ASTN2: variants seen among roughly 807,000 people sequenced by gnomAD.
ASTN2 encodes astrotactin 2.
A neutral mutation model predicts 139.8 loss-of-function variants in ASTN2; 54 were observed. The ratio of observed to expected loss-of-function variants is 0.39; its 90% CI spans 0.31 to 0.48. The LOEUF is 0.48. Ranked by LOEUF, ASTN2 falls within the 20% of genes least tolerant of loss-of-function variation. The pLI is 0.95. For missense variants in ASTN2, 1,565 were observed against 1,725.1 expected, an observed-to-expected ratio of 0.91 and a Z score of 1.64; for synonymous variants, 756 against 719.5, an observed-to-expected ratio of 1.05 and a Z score of -0.81.
intron 10 of ASTN2, among the ~76,000 whole-genome samples, chr9:116,898,777 C>T (rs542866413): frequency 6.6e-6 from 1 of 152,316 alleles, no homozygotes; most frequent in East Asian, 1.9e-4. Context: ...TCAAGCAATC[C>T]TCCCATTTAA....
intron 16 of ASTN2, among the ~76,000 whole-genome samples, chr9:116,724,359 C>G (rs1475561178): frequency 6.6e-6 from 1 of 152,130 alleles, no homozygotes; most frequent in South Asian, 2.1e-4. Context: ...TGCCCATAAA[C>G]CACCCCGTGC....
chr9:116,521,119 A>G (rs1251090327), intron 19 of ASTN2, among the ~76,000 whole-genome samples: 4 of 149,988 alleles, frequency 2.7e-5, no homozygotes, highest in African/African-American at 5.0e-5. Context: ...CTATCAAAAT[A>G]CCAACACCAT....
rs994976935 is a variant in ASTN2, at chr9:116,699,647, T to C, written c.2806+26124A>G. ...AGGGGCAGCTGCTGGTCTTGGACTG[T>C]TGGGATCATTGCATCAAGATCTACA... On this transcript the variant is annotated intron_variant, in intron 16 of 22. Coordinates refer to ENST00000313400, the MANE Select transcript of ASTN2 (RefSeq NM_001365068.1). The surrounding 1 kb of genome is among the most constrained non-coding windows in gnomAD (Gnocchi z 4.2). The C allele has an allele frequency of 6.2e-7, 1 of 1,614,062 alleles. No individual in the cohort carries two copies. Among genetic ancestry groups the C allele is most frequent in the Non-Finnish European group, 8.5e-7 (1 of 1,180,026 alleles).
chr9:117,098,831 G>T (rs907389241), intron 4 of ASTN2, among the ~76,000 whole-genome samples: 1 of 152,016 alleles, frequency 6.6e-6, no homozygotes, highest in African/African-American at 2.4e-5. Context: ...AGAAGGGCTG[G>T]GCATGATGGC....
At chr9:116,935,973 A>G (rs1835055334) in intron 10 of ASTN2, among the ~76,000 whole-genome samples, 1 of 148,068 alleles carries the variant, frequency 6.8e-6, no homozygotes, top group African/African-American at 2.5e-5. Flanking sequence ...CCTGGGTCAC[A>G]TGGTTAGTGA....
chr9:117,049,464 G>T (rs974505530), intron 5 of ASTN2, among the ~76,000 whole-genome samples: 1 of 152,208 alleles, frequency 6.6e-6, no homozygotes, highest in South Asian at 2.1e-4. Flanking sequence ...CGGAAAAAAC[G>T]ATCTAGTTTA....
intron 19 of ASTN2, among the ~76,000 whole-genome samples, chr9:116,525,643 G>C (rs4837589): frequency 0.17 from 25,566 of 152,188 alleles, 2,413 homozygotes; most frequent in African/African-American, 0.24. Context: ...AGGCACAGGA[G>C]AATTATTAAG....
intron 10 of ASTN2, among the ~76,000 whole-genome samples, chr9:116,964,668 C>A (rs1835967243): frequency 6.6e-6 from 1 of 152,148 alleles, no homozygotes; most frequent in South Asian, 2.1e-4. Context: ...GGACACAATT[C>A]AAGGGCCCTA....
intron 17 of ASTN2, among the ~76,000 whole-genome samples, chr9:116,629,293 A>C (rs1325939705): frequency 1.3e-5 from 2 of 151,706 alleles, no homozygotes; most frequent in Non-Finnish European, 2.9e-5. Context: ...AATTTTTTGC[A>C]TTTTTGGTAG....
intron 19 of ASTN2, chr9:116,546,281 T>C (rs1852087090): frequency 6.6e-6 from 1 of 152,150 alleles, no homozygotes; most frequent in Non-Finnish European, 1.5e-5. Context: ...ATGACATTCC[T>C]TATGGTTTTC....
chr9:116,933,386 A>G (rs1160067762), intron 10 of ASTN2, among the ~76,000 whole-genome samples: 1 of 152,064 alleles, frequency 6.6e-6, no homozygotes, highest in African/African-American at 2.4e-5. Flanking sequence ...GTCTACTTCA[A>G]GCAGACAGAA....
At chr9:116,813,880 C>A (rs564430722) in intron 12 of ASTN2, among the ~76,000 whole-genome samples, 1 of 151,912 alleles carries the variant, frequency 6.6e-6, no homozygotes, top group Non-Finnish European at 1.5e-5. Flanking sequence ...ACTAAAAATA[C>A]AATAAATTAG....
At chr9:117,099,551 T>C (rs10759898) in intron 4 of ASTN2, among the ~76,000 whole-genome samples, 137,356 of 152,258 alleles carry the variant, frequency 0.9, 62,051 homozygotes, top group East Asian at 0.97. Flanking sequence ...ACTTGCATAG[T>C]GCAGTATCTC....
intron 17 of ASTN2, among the ~76,000 whole-genome samples, chr9:116,627,792 G>T (rs1376378449): frequency 6.6e-6 from 1 of 152,132 alleles, no homozygotes; most frequent in Non-Finnish European, 1.5e-5. Flanking sequence ...TAATAATTAC[G>T]TGATATTTAT....
rs184397478 is a variant in ASTN2 at position 116,457,448 on chromosome 9, T to A, written c.3498-14895A>T. 1.8e-4 allele frequency among the ~76,000 whole-genome samples: 28 copies of A among 152,250 alleles called. No individual in the cohort carries two copies. The East Asian group carries it at 4.4e-3, about 24-fold the overall frequency. On this transcript the variant is annotated intron_variant, in intron 20 of 22. Coordinates refer to ENST00000313400, the MANE Select transcript of ASTN2 (RefSeq NM_001365068.1). ...GGAGAAAATATTTGCAAGCTATCCA[T>A]CTGACAAGGGATTAATAACCAGAAT...
At chr9:116,843,909 GC>G (rs1411223464) in intron 11 of ASTN2, among the ~76,000 whole-genome samples, 1 of 152,050 alleles carries the variant, frequency 6.6e-6, no homozygotes, top group African/African-American at 2.4e-5. Flanking sequence ...ACCCTCTGAA[GC>G]TAAAATAAAT....
chr9:117,038,730 C>T (rs532623572), intron 6 of ASTN2, among the ~76,000 whole-genome samples: 14 of 152,220 alleles, frequency 9.2e-5, no homozygotes, highest in African/African-American at 2.4e-4. Context: ...CAGCTAAAGA[C>T]GGTGATGGCA....
intron 1 of ASTN2, among the ~76,000 whole-genome samples, chr9:117,341,715 T>C (rs1224472197): frequency 2.0e-5 from 3 of 152,000 alleles, no homozygotes; most frequent in African/African-American, 4.8e-5. Context: ...AATGCATTTT[T>C]CCCCCAAATC....
chr9:117,239,027 A>C (rs950995297), intron 2 of ASTN2, among the ~76,000 whole-genome samples: 2 of 152,210 alleles, frequency 1.3e-5, no homozygotes, highest in African/African-American at 2.4e-5. Context: ...CTTTAGATGC[A>C]TTACTTCATC....
Sources: allele counts gnomAD v4.1 joint callset (sites outside exome capture counted in the v4.1 genomes callset), GRCh38; gene constraint gnomAD v4.1.1; non-coding constraint Gnocchi (gnomAD v3.1); transcripts MANE v1.5; gene names NCBI Gene and HGNC (gene_info 2026-07-23, HGNC 2026-07-21).